The following COL4A2 variants were observed in gnomAD, a reference collection of about 807,000 sequenced individuals.
COL4A2 encodes collagen alpha-2(IV) chain.
A neutral mutation model predicts 200.2 loss-of-function variants in COL4A2; 99 were observed. The observed-to-expected ratio is 0.49, with a 90% CI of 0.42 to 0.58. The LOEUF (loss-of-function observed/expected upper bound fraction) is 0.58, where lower values mean the gene tolerates loss of function less well. Ranked by LOEUF, COL4A2 falls within the 20% of genes least tolerant of loss-of-function variation. COL4A2 has a pLI of 0.00. For missense variants in COL4A2, 1,950 were observed against 2,314.1 expected (o/e 0.84, Z 3.23); for synonymous variants, 897 against 900.6 (o/e 1.00, Z 0.07).
chr13:110,462,500 C>G, intron 24 of COL4A2, 116 bp downstream of exon 24: 1 of 913,944 alleles, frequency 1.1e-6, no homozygotes. Context: ...GTGCATAGGA[C>G]AGGCTGCTCA....
intron 3 of COL4A2, among the ~76,000 whole-genome samples, chr13:110,327,692 A>C (rs1204387272): frequency 6.6e-6 from 1 of 152,208 alleles, no homozygotes; most frequent in Non-Finnish European, 1.5e-5. Flanking sequence ...TGTGGGTGTC[A>C]GTGAAGCATT....
At chr13:110,360,056 G>A (rs957450214) in intron 4 of COL4A2, among the ~76,000 whole-genome samples, 2 of 152,196 alleles carry the variant, frequency 1.3e-5, no homozygotes, top group African/African-American at 4.8e-5. Flanking sequence ...AAATTCCCCT[G>A]GGTCTCATGC....
intron 29 of COL4A2, among the ~76,000 whole-genome samples, chr13:110,477,300 C>T (rs1406273142): frequency 2.6e-5 from 4 of 152,220 alleles, no homozygotes; most frequent in African/African-American, 7.2e-5. Context: ...GCGGATCCCC[C>T]GACACCACGT....
intron 37 of COL4A2, among the ~76,000 whole-genome samples, chr13:110,491,707 C>T (rs1387062564): frequency 6.6e-6 from 1 of 152,188 alleles, no homozygotes; most frequent in African/African-American, 2.4e-5. Context: ...GGCTGGCTTC[C>T]CACGCTGTTG....
chr13:110,315,666 G>A (rs1239446515), intron 3 of COL4A2, among the ~76,000 whole-genome samples: 3 of 152,190 alleles, frequency 2.0e-5, no homozygotes, highest in Admixed American at 6.5e-5. Flanking sequence ...AAAGTGCTGG[G>A]ATTACAGGCA....
chr13:110,491,243 A>C lies in COL4A2; in HGVS notation c.3357A>C (p.Gly1119=), dbSNP rs768749332. 6 of 1,596,224 alleles carry C rather than the reference A, an allele frequency of 3.8e-6. No homozygotes were observed. The highest frequency in any genetic ancestry group is 5.1e-6 in the Non-Finnish European group (6 of 1,170,376). ...RGTTGIPGLK[G]FFGEKGTEGD... ...TGTCTGTGGTTGCAGGTCTGAAGGG[A>C]TTCTTTGGAGAGAAGGGAACAGAAG... The change falls in exon 37 of 48, where the codon GGA becomes GGC. Residue 1119 remains glycine, a synonymous_variant. Transcript: ENST00000360467.
In COL4A2 at chr13:110,495,387, A is replaced by G; in HGVS notation, c.3680A>G (p.Glu1227Gly). ...CCAGGCTTCCCAGGCCCTCCTGGGG[A>G]AAGAGGTGACCCAGGAGAGGCCAAC... ...GDPGFPGPPG[E>G]RGDPGEANTL... Residue 1227 changes from glutamate (E) to glycine (G), a missense_variant, in exon 40 of 48, where the codon GAA becomes GGA. By Grantham distance (98) the Glu-to-Gly change is moderately conservative. Around this residue, in one of 2 missense-constraint regions of COL4A2, gnomAD observed 1,385 missense variants for 1,720.5 expected, o/e 0.80. Coordinates refer to ENST00000360467, the MANE Select transcript of COL4A2 (RefSeq NM_001846.4). 1 of 1,613,940 alleles carries G rather than the reference A, an allele frequency of 6.2e-7. No homozygotes were observed. Among genetic ancestry groups the G allele is most frequent in the East Asian group, 2.2e-5 (1 of 44,854 alleles).
At chr13:110,351,948 G>A (rs952587091) in intron 3 of COL4A2, among the ~76,000 whole-genome samples, 2 of 152,206 alleles carry the variant, frequency 1.3e-5, no homozygotes, top group Non-Finnish European at 2.9e-5. Flanking sequence ...ATGTTCAACT[G>A]TGGGTACTGA....
intron 4 of COL4A2, among the ~76,000 whole-genome samples, chr13:110,392,270 T>G (rs944181316): frequency 6.6e-6 from 1 of 152,172 alleles, no homozygotes. Context: ...AAGAACTGAT[T>G]TATTCTTGCA....
At chr13:110,412,457 C>T (rs150410087) in intron 4 of COL4A2, among the ~76,000 whole-genome samples, 2 of 152,188 alleles carry the variant, frequency 1.3e-5, no homozygotes, top group African/African-American at 2.4e-5. Flanking sequence ...CACGTCACTC[C>T]GAATCTGCTG....
At chr13:110,361,313 A>G (rs1034083354) in intron 4 of COL4A2, among the ~76,000 whole-genome samples, 2 of 152,192 alleles carry the variant, frequency 1.3e-5, no homozygotes, top group Admixed American at 6.5e-5. Flanking sequence ...TTTTTAAAGT[A>G]AGATAATACA....
Position 110,458,695 on chromosome 13 carries a change from C to T in COL4A2, c.1433-76C>T, listed in dbSNP as rs1039468474. The T allele has an allele frequency of 5.1e-6, 8 of 1,583,060 alleles. No individual in the cohort carries two copies. In the East Asian group the frequency reaches 6.7e-5, roughly 13 times the overall value. On this transcript the variant is annotated intron_variant, in intron 21 of 47. Transcript: ENST00000360467. ...ACCAAGTGTGCCACCCAGCTCTCCC[C>T]GCTGCCTGATACCCCTCTCCCCGCC...
intron 45 of COL4A2, among the ~76,000 whole-genome samples, chr13:110,505,242 C>T (rs567625065): frequency 2.6e-5 from 4 of 151,858 alleles, no homozygotes; most frequent in Admixed American, 6.6e-5. Flanking sequence ...CCCAGCTACT[C>T]GGGAGGCTGA....
At position 110,495,405 on chromosome 13, in the gene COL4A2, A is replaced by T; in HGVS notation, c.3698A>T (p.Glu1233Val). The change falls in exon 40 of 48, where the codon GAG (glutamate) becomes GTG (valine). Residue 1233 changes from glutamate (E) to valine (V), a missense_variant. Physicochemically the swap from Glu to Val is moderately radical, Grantham distance 121. Around this residue, in one of 2 missense-constraint regions of COL4A2, gnomAD observed 1,385 missense variants for 1,720.5 expected, o/e 0.80. Coordinates refer to ENST00000360467, the MANE Select transcript of COL4A2 (RefSeq NM_001846.4). ...GPPGERGDPG[E>V]ANTLPGPVGV... ...CCTGGGGAAAGAGGTGACCCAGGAG[A>T]GGCCAACACCCTTCCAGGCCCTGTG... 6.2e-7 allele frequency: 1 copy of T among 1,613,954 alleles called. No homozygotes were observed. The highest frequency in any genetic ancestry group is 8.5e-7 in the Non-Finnish European group (1 of 1,179,926).
At chr13:110,339,355 ATTTGGGGC>A (rs1876349602) in intron 3 of COL4A2, among the ~76,000 whole-genome samples, 1 of 152,172 alleles carries the variant, frequency 6.6e-6, no homozygotes, top group South Asian at 2.1e-4. Flanking sequence ...GTGCTTGCAT[ATTTGGGGC>A]TTCATCTTAG....
chr13:110,334,041 T>G (rs560380497), intron 3 of COL4A2, among the ~76,000 whole-genome samples: 1 of 152,216 alleles, frequency 6.6e-6, no homozygotes. Flanking sequence ...TGAGTTCGGC[T>G]GGATGGCAGT....
intron 26 of COL4A2, among the ~76,000 whole-genome samples, chr13:110,466,575 G>A (rs1404905108): frequency 6.6e-6 from 1 of 152,208 alleles, no homozygotes; most frequent in East Asian, 1.9e-4. Context: ...ATTTAATTTT[G>A]CAAGGTGGCT....
At chr13:110,385,435 C>G (rs61963172) in intron 4 of COL4A2, among the ~76,000 whole-genome samples, 3,955 of 42,856 alleles carry the variant, frequency 0.092, 614 homozygotes, top group East Asian at 0.12. Flanking sequence ...GTTACAGTGC[C>G]TGGATAGACC....
intron 17 of COL4A2, among the ~76,000 whole-genome samples, chr13:110,446,276 T>G (rs987766354): frequency 6.6e-6 from 1 of 152,118 alleles, no homozygotes; most frequent in Non-Finnish European, 1.5e-5. Flanking sequence ...TGGGTGCTGC[T>G]GGTCTAGCTG....
Sources: allele counts gnomAD v4.1 joint callset (sites outside exome capture counted in the v4.1 genomes callset), GRCh38; gene constraint gnomAD v4.1.1; regional missense constraint gnomAD v4.1.1; transcripts MANE v1.5; gene names NCBI Gene and HGNC (gene_info 2026-07-23, HGNC 2026-07-21).